MAP3K10: variants seen among roughly 807,000 people sequenced by gnomAD.
MAP3K10 encodes MKN28 derived nonreceptor_type serine/threonine kinase.
A neutral mutation model predicts 75.0 loss-of-function variants in MAP3K10; 22 were observed. The observed-to-expected ratio is 0.29, with a 90% CI of 0.21 to 0.42. The LOEUF (loss-of-function observed/expected upper bound fraction) is 0.42. Ranked by LOEUF, MAP3K10 falls within the 10% of genes least tolerant of loss-of-function variation. The pLI, the probability that MAP3K10 is intolerant of heterozygous loss-of-function variation, is 1.00. For synonymous variants in MAP3K10, 599 were observed against 612.9 expected, an observed-to-expected ratio of 0.98 and a Z score of 0.34; for missense variants, 1,165 against 1,379.8, an observed-to-expected ratio of 0.84 and a Z score of 2.47.
Position 40,209,859 on chromosome 19 carries a change from C to T in MAP3K10, c.1552+640C>T, listed in dbSNP as rs552990843. On this transcript the variant is annotated intron_variant, in intron 6 of 9. Coordinates refer to ENST00000253055, the MANE Select transcript of MAP3K10 (RefSeq NM_002446.4). ...TAGAAAGAGATGTATTGGCTGGGCA[C>T]GATGACTCATACCTGTAATCCCAGC... Among the ~76,000 whole-genome samples the T allele has an allele frequency of 3.9e-5, 6 of 152,150 alleles. No individual in the cohort carries two copies. In the South Asian group the frequency reaches 6.2e-4, roughly 16 times the overall value.
chr19:40,202,552 C>T (rs899019842), intron 2 of MAP3K10, among the ~76,000 whole-genome samples: 1 of 152,090 alleles, frequency 6.6e-6, no homozygotes, highest in Non-Finnish European at 1.5e-5. Context: ...CTTCTTTGAA[C>T]AATAGTCTTT....
At position 40,214,991 on chromosome 19, in the gene MAP3K10, TC is replaced by T. The variant is rs751580241; in HGVS notation, c.2569del (p.Arg857AlafsTer25). ...HGPGPRDLLD[F>X]PRLPDPQALF... ...CCAGGCCCTCGTGACCTTCTGGACT[TC>T]CCCCGCCTGCCCGACCCCCAGGCCC... On this transcript the variant is annotated frameshift_variant, in exon 10 of 10. Transcript: ENST00000253055. LOFTEE classifies it high-confidence loss of function. The T allele has an allele frequency of 3.8e-6, 6 of 1,580,294 alleles. No homozygotes were observed. Among genetic ancestry groups the T allele is most frequent in the Admixed American group, 3.4e-5 (2 of 59,660 alleles).
chr19:40,202,087 C>G (rs1973036109), intron 2 of MAP3K10, among the ~76,000 whole-genome samples: 1 of 152,138 alleles, frequency 6.6e-6, no homozygotes, highest in Non-Finnish European at 1.5e-5. Flanking sequence ...GTCTTCCAGG[C>G]TGGAGTTCAG....
rs561757743 is a variant in MAP3K10 at position 40,200,220 on chromosome 19, C to T, written c.863+1665C>T. Among the ~76,000 whole-genome samples, 13 of 152,212 alleles carry T rather than the reference C, an allele frequency of 8.5e-5. 1 individual carries two copies. In the South Asian group the frequency reaches 2.5e-3, roughly 29 times the overall value. ...AGGCTGAGGCAGGGGAATTGCTTGA[C>T]TGCAGGAGGCAGAGGTTGAGATGGC... On this transcript the variant is annotated intron_variant, in intron 2 of 9. Coordinates refer to ENST00000253055, the MANE Select transcript of MAP3K10 (RefSeq NM_002446.4).
chr19:40,208,672 TTA>T (rs61540617), intron 5 of MAP3K10, among the ~76,000 whole-genome samples: 98,685 of 145,872 alleles, frequency 0.68, 33,328 homozygotes, highest in South Asian at 0.73. Context: ...AACTCATCCT[TTA>T]TATATATATA....
At chr19:40,194,866 A>G (rs1320278789) in intron 1 of MAP3K10, among the ~76,000 whole-genome samples, 1 of 152,190 alleles carries the variant, frequency 6.6e-6, no homozygotes, top group Non-Finnish European at 1.5e-5. Context: ...GGAATAAATG[A>G]TGGATAGATG....
chr19:40,191,468 G>C lies in MAP3K10; in HGVS notation c.-564G>C, dbSNP rs947596053. On this transcript the variant is annotated 5_prime_UTR_variant, in exon 1 of 10. Transcript: ENST00000253055. ...GGTGGCCCGGGGAAGCAGCACGGGCGGGGGGCAGGGGCTGGGGCCGACCGG... is the reference window on the plus strand; with the variant it reads ...GGTGGCCCGGGGAAGCAGCACGGGCCGGGGGCAGGGGCTGGGGCCGACCGG... 6.6e-5 allele frequency among the ~76,000 whole-genome samples: 10 copies of C among 151,506 alleles called. No individual in the cohort carries two copies. In the South Asian group the frequency reaches 1.4e-3, roughly 22 times the overall value.
intron 5 of MAP3K10, among the ~76,000 whole-genome samples, chr19:40,208,038 A>G (rs1973155452): frequency 6.6e-6 from 1 of 151,890 alleles, no homozygotes; most frequent in Non-Finnish European, 1.5e-5. Flanking sequence ...CATCAAAAAT[A>G]TTGGATCTGT....
At position 40,204,950 on chromosome 19, in the gene MAP3K10, CTG is replaced by C. The variant is rs1410307605; in HGVS notation, c.1013-170_1013-169del. Reference sequence around the variant, plus strand: ...CCAGGGTTTCTCTCCCAGCGTTTCACTGAGTGGAATTGGCCAGGAGCTTGGCT... The same window carrying C: ...CCAGGGTTTCTCTCCCAGCGTTTCACAGTGGAATTGGCCAGGAGCTTGGCT... On this transcript the variant is annotated intron_variant, in intron 3 of 9. Transcript: ENST00000253055. The surrounding 1 kb of genome is among the most constrained non-coding windows in gnomAD (Gnocchi z 4.3). 5 of 692,416 alleles carry C rather than the reference CTG, an allele frequency of 7.2e-6. No homozygotes were observed. The East Asian group carries it at 7.7e-5, about 11-fold the overall frequency. The allele number at this position is 692,416 out of a possible 1,614,324, so 42.9% of individuals were successfully genotyped here.
Position 40,214,022 on chromosome 19 carries a change from C to CCCCCCCCCCCCCCCA in MAP3K10, c.2343_2344insCCCCCCCCCCCCCCA (p.Pro781_Ala782insProProProProPro). On this transcript the variant is annotated inframe_insertion, in exon 9 of 10. Coordinates refer to ENST00000253055, the MANE Select transcript of MAP3K10 (RefSeq NM_002446.4). ...CGCCCTCCCCACCACCCTCCCCGCC[C>CCCCCCCCCCCCCCCA]GCGCCCACACCCACGCCCTCGCCCA... is the stretch of plus-strand genomic sequence containing the variant. The CCCCCCCCCCCCCCCA allele has an allele frequency of 6.6e-7, 1 of 1,513,184 alleles. No homozygotes were observed. Among genetic ancestry groups the CCCCCCCCCCCCCCCA allele is most frequent in the Non-Finnish European group, 8.8e-7 (1 of 1,133,692 alleles). 93.7% of individuals were successfully genotyped at this position (1,513,184 alleles called of 1,614,324 possible). A position where few individuals can be genotyped will look rare whatever the true frequency, so the allele number is the denominator to read the frequency against.
At chr19:40,211,370 TG>T (rs1973236660) in intron 6 of MAP3K10, among the ~76,000 whole-genome samples, 1 of 151,752 alleles carries the variant, frequency 6.6e-6, no homozygotes, top group Non-Finnish European at 1.5e-5. Flanking sequence ...TGGATTTTTT[TG>T]TTTTTAATTT....
At chr19:40,194,317 C>A (rs1972868252) in intron 1 of MAP3K10, among the ~76,000 whole-genome samples, 1 of 151,960 alleles carries the variant, frequency 6.6e-6, no homozygotes, top group South Asian at 2.1e-4. Flanking sequence ...GAGATTGCAC[C>A]ACTGCACTCC....
In MAP3K10 at chr19:40,205,283, G is replaced by T; in HGVS notation, c.1175G>T (p.Arg392Leu). The T allele has an allele frequency of 6.2e-7, 1 of 1,613,996 alleles. No individual in the cohort carries two copies. Among genetic ancestry groups the T allele is most frequent in the Non-Finnish European group, 8.5e-7 (1 of 1,180,030 alleles). The change falls in exon 4 of 10, where the codon CGG becomes CTG. Residue 392 changes from arginine (R) to leucine (L), a missense_variant. Around this residue, in one of 2 missense-constraint regions of MAP3K10, gnomAD observed 575 missense variants for 793.2 expected, o/e 0.72. Coordinates refer to ENST00000253055, the MANE Select transcript of MAP3K10 (RefSeq NM_002446.4). The surrounding 1 kb of genome is among the most constrained non-coding windows in gnomAD (Gnocchi z 4.3). ...LEIQHMFDDL[R>L]TKEKELRSRE... ...ATTCAGCACATGTTTGATGACCTTC[G>T]GACCAAGGAGAAGGTGAAGGCAGGG...
In MAP3K10 at chr19:40,212,678, G is replaced by A. The variant is rs540306525; in HGVS notation, c.1553-127G>A. On this transcript the variant is annotated intron_variant, in intron 6 of 9. Coordinates refer to ENST00000253055, the MANE Select transcript of MAP3K10 (RefSeq NM_002446.4). This position sits in a 1 kb window ranked among gnomAD's most constrained non-coding sequence, Gnocchi z 4.2. The stretch of plus-strand genomic sequence containing the variant: ...GGAGATATATAGCAGGGAGGGTCAT[G>A]ACTGGAGTTCAAAAGAGCCCTTGGA... The A allele has an allele frequency of 5.1e-6, 6 of 1,183,794 alleles. No individual in the cohort carries two copies. The highest frequency in any genetic ancestry group is 7.1e-6 in the Non-Finnish European group (6 of 844,274). The allele number at this position is 1,183,794 out of a possible 1,614,324, so 73.3% of individuals were successfully genotyped here.
rs376907312 is a variant in MAP3K10 at position 40,214,925 on chromosome 19, C to T, written c.2543-45C>T. ...AACAGCTCTGGGCTTTTTAATGCCA[C>T]CCTCTGCCCCACCCCACTCACCTCC... On this transcript the variant is annotated intron_variant, in intron 9 of 9. Transcript: ENST00000253055. 229 of 863,628 alleles carry T rather than the reference C, an allele frequency of 2.7e-4. No homozygotes were observed. In the South Asian group the frequency reaches 3.0e-3, roughly 11 times the overall value. 53.5% of individuals were successfully genotyped at this position (863,628 alleles called of 1,614,324 possible).
In MAP3K10 at chr19:40,205,824, C is replaced by G. The variant is rs1363614687; in HGVS notation, c.1189-87C>G. ...CACAGCAAGGTACCCTTGTGTGAGG[C>G]ACCAACCAGACGCAGCAGCCCTGGG... On this transcript the variant is annotated intron_variant, in intron 4 of 9. Transcript: ENST00000253055. This position sits in a 1 kb window ranked among gnomAD's most constrained non-coding sequence, Gnocchi z 4.3. 5 of 1,371,056 alleles carry G rather than the reference C, an allele frequency of 3.6e-6. No individual in the cohort carries two copies. 84.9% of individuals were successfully genotyped at this position (1,371,056 alleles called of 1,614,324 possible).
rs143337483 is a variant in MAP3K10 at position 40,211,037 on chromosome 19, G to A, written c.1553-1768G>A. The stretch of plus-strand genomic sequence containing the variant: ...ACGCATAAAATTACCCATCACAGAA[G>A]GGTTGCGATTTTCCATCTGGAAGCC... On this transcript the variant is annotated intron_variant, in intron 6 of 9. Transcript: ENST00000253055. 5.5e-3 allele frequency among the ~76,000 whole-genome samples: 834 copies of A among 152,342 alleles called. 6 individuals are homozygous for A. The highest frequency in any genetic ancestry group is 0.019 in the African/African-American group (793 of 41,570).
intron 5 of MAP3K10, 54 bp downstream of exon 5, chr19:40,206,211 G>T: frequency 6.6e-7 from 1 of 1,523,334 alleles, no homozygotes; most frequent in South Asian, 1.3e-5. Flanking sequence ...GAGCAGCCCC[G>T]ACCTAGGATT....
rs1472911412 is a variant in MAP3K10 at position 40,213,578 on chromosome 19, G to T, written c.1899G>T (p.Pro633=). ...TGCCCCCTTCCCCCTACTCGACCCC[G>T]TCCTACCTCTCAGTGCCACTGCCTG... is the stretch of plus-strand genomic sequence containing the variant. ...SSVPPSPYST[P]SYLSVPLPAE... Residue 633 remains proline, a synonymous_variant, in exon 9 of 10, where the codon CCG becomes CCT. Coordinates refer to ENST00000253055, the MANE Select transcript of MAP3K10 (RefSeq NM_002446.4). This position sits in a 1 kb window ranked among gnomAD's most constrained non-coding sequence, Gnocchi z 5.7. 2 of 1,609,014 alleles carry T rather than the reference G, an allele frequency of 1.2e-6. No individual in the cohort carries two copies. The highest frequency in any genetic ancestry group is 1.3e-5 in the African/African-American group (1 of 74,652).
Sources: gnomAD v4.1 joint callset for allele counts (sites outside exome capture counted in the v4.1 genomes callset) on GRCh38, gnomAD v4.1.1 for gene constraint, gnomAD v4.1.1 regional missense constraint, Gnocchi (gnomAD v3.1) non-coding constraint, MANE v1.5 for transcripts, NCBI Gene and HGNC (gene_info 2026-07-23, HGNC 2026-07-21) for gene names.